EPHA7: variants seen among roughly 807,000 people sequenced by gnomAD.
EPHA7 encodes the protein ephrin type-A receptor 7.
EPHA7 carries 25 observed loss-of-function variants against 112.6 expected under a neutral mutation model. The observed-to-expected ratio is 0.22, with a 90% confidence interval of 0.16 to 0.31. The LOEUF (loss-of-function observed/expected upper bound fraction) is 0.31. EPHA7 is among the 10% of genes least tolerant of loss of function. The pLI is 1.00. For synonymous variants in EPHA7, 437 were observed against 406.5 expected, an observed-to-expected ratio of 1.07 and a Z score of -0.90; for missense variants, 962 against 1,212.6, an observed-to-expected ratio of 0.79 and a Z score of 3.07.
intron 3 of EPHA7, among the ~76,000 whole-genome samples, chr6:93,375,209 G>T (rs920196303): frequency 1.3e-5 from 2 of 152,034 alleles, no homozygotes; most frequent in African/African-American, 4.8e-5. Flanking sequence ...TTTGGTAGAA[G>T]TACAACTCTA....
At chr6:93,389,246 C>A (rs984091188) in intron 3 of EPHA7, among the ~76,000 whole-genome samples, 1 of 152,138 alleles carries the variant, frequency 6.6e-6, no homozygotes, top group African/African-American at 2.4e-5. Context: ...AGCATCATCT[C>A]ATTTTTATGC....
At chr6:93,324,094 CAGA>C (rs1774201620) in intron 5 of EPHA7, among the ~76,000 whole-genome samples, 2 of 151,376 alleles carry the variant, frequency 1.3e-5, no homozygotes, top group African/African-American at 4.8e-5. Flanking sequence ...TCACCTAAGG[CAGA>C]AGTATTGCTA....
chr6:93,278,506 C>A (rs1310949350), intron 5 of EPHA7, among the ~76,000 whole-genome samples: 1 of 152,010 alleles, frequency 6.6e-6, no homozygotes, highest in Non-Finnish European at 1.5e-5. Context: ...TAGTAAGACA[C>A]ACATTATCTA....
At position 93,356,566 on chromosome 6, in the gene EPHA7, G is replaced by A. The variant is rs115448716; in HGVS notation, c.1324+151C>T. 514 of 725,904 alleles carry A rather than the reference G, an allele frequency of 7.1e-4. 4 individuals carry two copies. The African/African-American group carries it at 8.1e-3, about 11-fold the overall frequency. 45.0% of individuals were successfully genotyped at this position (725,904 alleles called of 1,614,324 possible). ...AGATGTTAATGAGTACACTAATGGT[G>A]TAACAAGCAACAGGAAAAGTTAAAG... On this transcript the variant is annotated intron_variant, in intron 5 of 16. Coordinates refer to ENST00000369303, the MANE Select transcript of EPHA7 (RefSeq NM_004440.4).
At chr6:93,366,850 G>A (rs1441957402) in intron 3 of EPHA7, among the ~76,000 whole-genome samples, 1 of 151,928 alleles carries the variant, frequency 6.6e-6, no homozygotes, top group Non-Finnish European at 1.5e-5. Flanking sequence ...TGCAAAAAAG[G>A]AAAGATTCAA....
At chr6:93,415,081 G>C (rs532330347) in intron 1 of EPHA7, among the ~76,000 whole-genome samples, 9 of 151,894 alleles carry the variant, frequency 5.9e-5, no homozygotes, top group East Asian at 5.8e-4. Flanking sequence ...TATATATTAC[G>C]GTTTTGTAAA....
Position 93,341,441 on chromosome 6 carries a change from A to G in EPHA7, c.1324+15276T>C, listed in dbSNP as rs180804095. Among the ~76,000 whole-genome samples, 137 of 151,904 alleles carry G rather than the reference A, an allele frequency of 9.0e-4. 2 individuals are homozygous for G. The highest frequency in any genetic ancestry group is 7.0e-3 in the Admixed American group (106 of 15,160). On this transcript the variant is annotated intron_variant, in intron 5 of 16. Transcript: ENST00000369303. ...GTTGTTAGGATCACTGACCTTTGAC[A>G]TTAATCAGTTTCGGAAATTAAGAGA...
chr6:93,284,753 C>G lies in EPHA7; in HGVS notation c.1325-12331G>C, dbSNP rs566669037. Among the ~76,000 whole-genome samples the G allele has an allele frequency of 1.1e-4, 17 of 151,860 alleles. No homozygotes were observed. The South Asian group carries it at 3.5e-3, about 32-fold the overall frequency. On this transcript the variant is annotated intron_variant, in intron 5 of 16. Coordinates refer to ENST00000369303, the MANE Select transcript of EPHA7 (RefSeq NM_004440.4). ...CAGAAAACTAACACAAGAACAGAAA[C>G]CCAAACACCTCATGTTCTCACTCGT... is the stretch of plus-strand genomic sequence containing the variant.
At chr6:93,266,130 T>A (rs1770924072) in intron 7 of EPHA7, among the ~76,000 whole-genome samples, 1 of 151,776 alleles carries the variant, frequency 6.6e-6, no homozygotes, top group African/African-American at 2.4e-5. Context: ...ATTTCTGAAT[T>A]ACAGCCTATT....
chr6:93,313,340 A>C (rs2127869198), intron 5 of EPHA7, among the ~76,000 whole-genome samples: 1 of 152,264 alleles, frequency 6.6e-6, no homozygotes, highest in African/African-American at 2.4e-5. Context: ...TGTGGTATTG[A>C]GGAAAAAGTA....
At chr6:93,321,695 T>C (rs1582517353) in intron 5 of EPHA7, among the ~76,000 whole-genome samples, 1 of 152,018 alleles carries the variant, frequency 6.6e-6, no homozygotes, top group East Asian at 1.9e-4. Context: ...TGATTACTCC[T>C]TATAAAGGAG....
intron 5 of EPHA7, among the ~76,000 whole-genome samples, chr6:93,279,319 T>G (rs1031433329): frequency 1.3e-5 from 2 of 152,164 alleles, no homozygotes; most frequent in Non-Finnish European, 2.9e-5. Flanking sequence ...ATCACTCTTT[T>G]ATCAGCTCTG....
At position 93,416,869 on chromosome 6, in the gene EPHA7, T is replaced by A. The variant is rs537280076; in HGVS notation, c.98-2102A>T. The stretch of plus-strand genomic sequence containing the variant: ...CGGGCAAAGGCTGGCGTCCCGGGGC[T>A]GGGGCGGGGCCGTCGGAGGGGCGGG... On this transcript the variant is annotated intron_variant, in intron 1 of 16. Coordinates refer to ENST00000369303, the MANE Select transcript of EPHA7 (RefSeq NM_004440.4). 7.1e-3 allele frequency among the ~76,000 whole-genome samples: 964 copies of A among 136,082 alleles called. 11 individuals are homozygous for A. Among genetic ancestry groups the A allele is most frequent in the African/African-American group, 0.024 (912 of 37,678 alleles). The allele number at this position is 136,082 out of a possible 152,430, so 89.3% of individuals were successfully genotyped here. A position where few individuals can be genotyped will look rare whatever the true frequency, so the allele number is the denominator to read the frequency against.
At chr6:93,397,764 C>T (rs1053458742) in intron 3 of EPHA7, among the ~76,000 whole-genome samples, 4 of 151,874 alleles carry the variant, frequency 2.6e-5, no homozygotes, top group African/African-American at 9.7e-5. Flanking sequence ...GTAAATTACC[C>T]TATATTCAAA....
chr6:93,368,820 G>A (rs571517640), intron 3 of EPHA7, among the ~76,000 whole-genome samples: 1 of 152,234 alleles, frequency 6.6e-6, no homozygotes, highest in East Asian at 1.9e-4. Flanking sequence ...GCTGTTTGGT[G>A]AAGACTCTGT....
chr6:93,370,467 C>T (rs951795270), intron 3 of EPHA7, among the ~76,000 whole-genome samples: 6 of 152,222 alleles, frequency 3.9e-5, no homozygotes, highest in African/African-American at 9.6e-5. Context: ...TAATAATTAA[C>T]ATTTCTATTG....
chr6:93,324,248 T>C (rs1398820309), intron 5 of EPHA7, among the ~76,000 whole-genome samples: 1 of 151,422 alleles, frequency 6.6e-6, no homozygotes, highest in African/African-American at 2.4e-5. Context: ...ACATAAAATA[T>C]GCCTCTAATT....
intron 3 of EPHA7, among the ~76,000 whole-genome samples, chr6:93,404,697 A>AT (rs1778609500): frequency 2.0e-5 from 3 of 150,984 alleles, no homozygotes; most frequent in South Asian, 2.1e-4. Context: ...CGGTAAGAGT[A>AT]TTTTTTCTCT....
At chr6:93,372,192 G>T (rs1244677837) in intron 3 of EPHA7, among the ~76,000 whole-genome samples, 2 of 152,108 alleles carry the variant, frequency 1.3e-5, no homozygotes, top group African/African-American at 4.8e-5. Flanking sequence ...AAACATTTGT[G>T]AGTGGATGAA....
Sources: allele counts gnomAD v4.1 joint callset (sites outside exome capture counted in the v4.1 genomes callset), GRCh38; gene constraint gnomAD v4.1.1; transcripts MANE v1.5; gene names NCBI Gene and HGNC (gene_info 2026-07-23, HGNC 2026-07-21).